The following ZMYM2 variants were observed in gnomAD, a reference collection of about 807,000 sequenced individuals.
ZMYM2 encodes zinc finger MYM-type protein 2.
Under a neutral mutation model 162.8 loss-of-function variants are expected in ZMYM2, and 56 were observed. The observed-to-expected ratio is 0.34, with a 90% CI of 0.28 to 0.43. ZMYM2 has a LOEUF of 0.43. ZMYM2 is among the 20% of genes least tolerant of loss of function. The probability of loss-of-function intolerance (pLI) is 1.00; values close to 1 mark genes in which losing one functional copy is unlikely to be tolerated. For missense variants in ZMYM2, 1,275 were observed against 1,621.8 expected, an observed-to-expected ratio of 0.79 and a Z score of 3.67; for synonymous variants, 510 against 541.6, an observed-to-expected ratio of 0.94 and a Z score of 0.81.
chr13:19,917,283 G>A, the ZMYM2 span, among the ~76,000 whole-genome samples: 1 of 151,952 alleles, frequency 6.6e-6, no homozygotes, highest in African/African-American at 2.4e-5. Context: ...ATTAATAACA[G>A]GTGTCATAGA....
intron 12 of ZMYM2, among the ~76,000 whole-genome samples, chr13:20,038,790 A>G (rs1359170219): frequency 6.7e-6 from 1 of 150,012 alleles, no homozygotes; most frequent in Admixed American, 6.6e-5. Context: ...GGATTTTAAA[A>G]GTTTTTTTTT....
At chr13:20,048,819 T>C (rs200153439) in intron 12 of ZMYM2, among the ~76,000 whole-genome samples, 18 of 129,222 alleles carry the variant, frequency 1.4e-4, no homozygotes, top group East Asian at 9.4e-4. Flanking sequence ...TTTTTTTTTT[T>C]CCCCCTCCCT....
chr13:20,014,665 G>C, intron 6 of ZMYM2, among the ~76,000 whole-genome samples: 1 of 147,326 alleles, frequency 6.8e-6, no homozygotes, highest in East Asian at 2.0e-4. Context: ...TATTTTTCCT[G>C]CTCTAATCTT....
intron 10 of ZMYM2, among the ~76,000 whole-genome samples, chr13:20,032,902 C>T (rs925603080): frequency 2.6e-5 from 4 of 152,116 alleles, no homozygotes; most frequent in Non-Finnish European, 5.9e-5. Context: ...AGCCACCGCA[C>T]CCAGCCTGGA....
chr13:19,875,242 G>A, the ZMYM2 span, among the ~76,000 whole-genome samples: 4 of 151,976 alleles, frequency 2.6e-5, no homozygotes, highest in East Asian at 1.9e-4. Flanking sequence ...TGTGTGAGAT[G>A]TGCCACCCGC....
At chr13:19,871,285 G>C in the ZMYM2 span, among the ~76,000 whole-genome samples, 600 of 152,012 alleles carry the variant, frequency 3.9e-3, 7 homozygotes, top group African/African-American at 0.013. Flanking sequence ...TTAAGCAAAA[G>C]AAAGTGAAAC....
chr13:20,043,099 A>G lies in ZMYM2; in HGVS notation c.2292+6190A>G, dbSNP rs367716430. On this transcript the variant is annotated intron_variant, in intron 12 of 24. Transcript: ENST00000610343. ...GGAATAAGGTGGATTCAGCCAAGTG[A>G]CTGTGTTCTGGAAGGTTTTAAGGGA... Among the ~76,000 whole-genome samples the G allele has an allele frequency of 1.1e-3, 171 of 152,186 alleles. 1 individual carries two copies. In the Middle Eastern group the frequency reaches 0.017, roughly 15 times the overall value.
the ZMYM2 span, among the ~76,000 whole-genome samples, chr13:19,898,354 T>C: frequency 6.6e-6 from 1 of 151,700 alleles, no homozygotes; most frequent in African/African-American, 2.4e-5. Flanking sequence ...TGCCTCAGCC[T>C]CCCGAGTAGC....
chr13:19,884,873 G>A, the ZMYM2 span, among the ~76,000 whole-genome samples: 1 of 152,072 alleles, frequency 6.6e-6, no homozygotes, highest in Admixed American at 6.6e-5. Context: ...GGTGCGGGTG[G>A]CCGGCTTTTA....
chr13:20,040,570 T>C (rs750952424), intron 12 of ZMYM2, among the ~76,000 whole-genome samples: 2 of 152,162 alleles, frequency 1.3e-5, no homozygotes, highest in Non-Finnish European at 2.9e-5. Context: ...GATTTATTGA[T>C]CTATTGAATG....
At chr13:20,081,956 TTACTA>T (rs1288780547) in intron 21 of ZMYM2, 55 bp from the exon 22 acceptor site, 136 of 1,066,714 alleles carry the variant, frequency 1.3e-4, no homozygotes, top group Middle Eastern at 1.2e-3. Flanking sequence ...TGTAATATGT[TTACTA>T]TAATTAGCTG....
At chr13:19,968,217 T>C (rs747087745) in intron 2 of ZMYM2, among the ~76,000 whole-genome samples, 3 of 152,202 alleles carry the variant, frequency 2.0e-5, no homozygotes, top group Non-Finnish European at 4.4e-5. Flanking sequence ...CTCATAGTTA[T>C]GACCACCTCC....
chr13:20,007,666 G>T (rs1205557592), intron 6 of ZMYM2, among the ~76,000 whole-genome samples: 1 of 148,810 alleles, frequency 6.7e-6, no homozygotes, highest in Non-Finnish European at 1.5e-5. Flanking sequence ...TGTTGCCCAG[G>T]CTGGAGTGCA....
chr13:19,900,299 T>C, the ZMYM2 span, among the ~76,000 whole-genome samples: 3 of 151,950 alleles, frequency 2.0e-5, no homozygotes, highest in African/African-American at 7.3e-5. Flanking sequence ...TGAGACTGTC[T>C]CAAAAACAAA....
intron 2 of ZMYM2, among the ~76,000 whole-genome samples, chr13:19,968,546 G>A (rs1956015133): frequency 6.6e-6 from 1 of 152,186 alleles, no homozygotes; most frequent in Non-Finnish European, 1.5e-5. Context: ...ACAGGCGTGA[G>A]CCACCGCACC....
At chr13:19,876,603 G>A in the ZMYM2 span, among the ~76,000 whole-genome samples, 2 of 152,242 alleles carry the variant, frequency 1.3e-5, no homozygotes, top group Non-Finnish European at 2.9e-5. Context: ...GATTACAGGC[G>A]TGAGCCACCT....
chr13:20,061,265 A>G (rs775556304), intron 17 of ZMYM2, 41 bp downstream of exon 17: 39 of 1,589,882 alleles, frequency 2.5e-5, no homozygotes, highest in Non-Finnish European at 2.9e-5. Context: ...AAGTGTTAAC[A>G]TTGGTTATTT....
chr13:20,087,569 T>G lies in ZMYM2; in HGVS notation c.*1555T>G, dbSNP rs1958345620. 5.4e-6 allele frequency: 1 copy of G among 185,576 alleles called. No homozygotes were observed. The highest frequency in any genetic ancestry group is 1.1e-5 in the Non-Finnish European group (1 of 87,468). 11.5% of individuals were successfully genotyped at this position (185,576 alleles called of 1,614,324 possible). On this transcript the variant is annotated 3_prime_UTR_variant, in exon 25 of 25. Transcript: ENST00000610343. ...ACTCCTCTCTCCCATAGGATAAATG[T>G]TACAGCACACAAAAGAAATTTTCTC...
chr13:19,969,259 C>T (rs1212283673), intron 2 of ZMYM2, among the ~76,000 whole-genome samples: 2 of 152,144 alleles, frequency 1.3e-5, no homozygotes, highest in Non-Finnish European at 1.5e-5. Context: ...AAGTCTTTAG[C>T]TGATTGTTTG....
Sources: gnomAD v4.1 joint callset for allele counts (sites outside exome capture counted in the v4.1 genomes callset) on GRCh38, gnomAD v4.1.1 for gene constraint, MANE v1.5 for transcripts, NCBI Gene and HGNC (gene_info 2026-07-23, HGNC 2026-07-21) for gene names.